Variants in CDH9 observed in about 807,000 individuals in gnomAD.
CDH9 encodes the protein cadherin-9.
A neutral mutation model predicts 70.9 loss-of-function variants in CDH9; 28 were observed. That is an observed-to-expected ratio of 0.40 (90% CI 0.29 to 0.54). The LOEUF (loss-of-function observed/expected upper bound fraction) is 0.54. Among genes scored for constraint, CDH9 ranks in the 20% least tolerant of loss-of-function variants. The pLI is 0.59. For synonymous variants in CDH9, 409 were observed against 343.1 expected (o/e 1.19, Z -2.12); for missense variants, 874 against 984.4 (o/e 0.89, Z 1.50).
At chr5:27,001,269 CA>C (rs1742762590) in intron 1 of CDH9, among the ~76,000 whole-genome samples, 1 of 151,992 alleles carries the variant, frequency 6.6e-6, no homozygotes, top group Non-Finnish European at 1.5e-5. Flanking sequence ...AGTAATTTTC[CA>C]AAGTTGAGTG....
intron 2 of CDH9, among the ~76,000 whole-genome samples, chr5:26,973,336 T>A (rs1224162115): frequency 2.0e-5 from 3 of 152,184 alleles, no homozygotes; most frequent in Admixed American, 2.0e-4. Flanking sequence ...GCCACAATGG[T>A]CTGTTTAGCC....
At chr5:27,011,303 G>A (rs566191137) in intron 1 of CDH9, among the ~76,000 whole-genome samples, 21 of 152,210 alleles carry the variant, frequency 1.4e-4, no homozygotes, top group African/African-American at 1.9e-4. Context: ...AACAGTTGAC[G>A]ATGTAATCAG....
intron 1 of CDH9, among the ~76,000 whole-genome samples, chr5:27,025,648 CT>C (rs1228284371): frequency 4.6e-5 from 7 of 152,064 alleles, no homozygotes; most frequent in African/African-American, 1.4e-4. Context: ...TAGGTTCCTT[CT>C]TTTGGAAACT....
intron 2 of CDH9, among the ~76,000 whole-genome samples, chr5:26,978,833 T>C (rs1251118181): frequency 4.0e-5 from 6 of 151,818 alleles, no homozygotes; most frequent in Admixed American, 3.9e-4. Context: ...CACAATACAA[T>C]GTAACAACAA....
chr5:26,971,321 T>G (rs1160403569), intron 2 of CDH9, among the ~76,000 whole-genome samples: 1 of 152,152 alleles, frequency 6.6e-6, no homozygotes, highest in Non-Finnish European at 1.5e-5. Context: ...GTTTTAGCCT[T>G]GAACACATCA....
At chr5:26,898,292 T>C (rs974852290) in intron 7 of CDH9, among the ~76,000 whole-genome samples, 1 of 152,054 alleles carries the variant, frequency 6.6e-6, no homozygotes, top group African/African-American at 2.4e-5. Flanking sequence ...CAAGCCACCA[T>C]TGACTTTCTT....
chr5:26,954,299 G>A (rs562400950), intron 2 of CDH9, among the ~76,000 whole-genome samples: 1 of 151,010 alleles, frequency 6.6e-6, no homozygotes, highest in Non-Finnish European at 1.5e-5. Flanking sequence ...TGCTTCCCAT[G>A]CTTCCTTCAT....
chr5:26,925,960 T>G (rs1329293854), intron 2 of CDH9, among the ~76,000 whole-genome samples: 1 of 152,080 alleles, frequency 6.6e-6, no homozygotes, highest in Non-Finnish European at 1.5e-5. Context: ...TAAGAGCTAT[T>G]TATGACACAC....
At chr5:26,887,810 A>C (rs905445279) in intron 9 of CDH9, among the ~76,000 whole-genome samples, 7 of 152,146 alleles carry the variant, frequency 4.6e-5, no homozygotes, top group African/African-American at 1.7e-4. Context: ...AATGCCATGA[A>C]ATGATGGAGA....
intron 1 of CDH9, among the ~76,000 whole-genome samples, chr5:26,998,560 TCA>T (rs1355540480): frequency 6.6e-6 from 1 of 151,260 alleles, no homozygotes; most frequent in Non-Finnish European, 1.5e-5. Context: ...AAGGGGAACA[TCA>T]CACACCGGGG....
intron 5 of CDH9, among the ~76,000 whole-genome samples, chr5:26,904,206 T>A (rs1203895522): frequency 3.9e-5 from 6 of 151,908 alleles, no homozygotes; most frequent in Non-Finnish European, 5.9e-5. Flanking sequence ...ATTCAATTAT[T>A]TTTTTTAAAA....
At chr5:26,885,379 T>G (rs549014698) in intron 11 of CDH9, among the ~76,000 whole-genome samples, 1 of 152,350 alleles carries the variant, frequency 6.6e-6, no homozygotes, top group African/African-American at 2.4e-5. Context: ...GTATATATTT[T>G]TAAATACGCA....
In CDH9 at chr5:26,932,894, C is replaced by A. The variant is rs932401895; in HGVS notation, c.229-16970G>T. Among the ~76,000 whole-genome samples, 14 of 150,938 alleles carry A rather than the reference C, an allele frequency of 9.3e-5. 1 individual carries two copies. Among genetic ancestry groups the A allele is most frequent in the Admixed American group, 3.3e-4 (5 of 15,088 alleles). On this transcript the variant is annotated intron_variant, in intron 2 of 11. Coordinates refer to ENST00000231021, the MANE Select transcript of CDH9 (RefSeq NM_016279.4). ...TATAATTGAGCTTTGTCTATGATTC[C>A]ATTTCCTTTCCACTCTAAGCAAATT...
Position 26,903,630 on chromosome 5 carries a change from A to G in CDH9, c.999+7T>C, listed in dbSNP as rs777141081. ...TCAATGAAAAGATGAAGACAGTGAA[A>G]AGAAACCTGTTTGACAGTTATAATC... is the stretch of plus-strand genomic sequence containing the variant. On this transcript the variant is annotated splice_region_variant and intron_variant, in intron 6 of 11. Coordinates refer to ENST00000231021, the MANE Select transcript of CDH9 (RefSeq NM_016279.4). 1.3e-6 allele frequency: 2 copies of G among 1,580,332 alleles called. No homozygotes were observed. Among genetic ancestry groups the G allele is most frequent in the Admixed American group, 1.7e-5 (1 of 59,884 alleles).
intron 2 of CDH9, among the ~76,000 whole-genome samples, chr5:26,978,201 A>T (rs1418664273): frequency 1.3e-5 from 2 of 152,050 alleles, no homozygotes; most frequent in Non-Finnish European, 2.9e-5. Flanking sequence ...GTGAATAGAA[A>T]TAGACTTAAA....
At chr5:26,995,003 C>G (rs914786131) in intron 1 of CDH9, among the ~76,000 whole-genome samples, 1 of 152,154 alleles carries the variant, frequency 6.6e-6, no homozygotes, top group African/African-American at 2.4e-5. Flanking sequence ...CTATTGCTTT[C>G]TGTTATACCA....
rs747657722 is a variant in CDH9 at position 26,906,112 on chromosome 5, C to A, written c.658G>T (p.Ala220Ser). The change falls in exon 5 of 12, where the codon GCA becomes TCA. Residue 220 changes from alanine to serine, a missense_variant. By Grantham distance (99) the Ala-to-Ser change is moderately conservative. Transcript: ENST00000231021. Reference sequence around the variant, plus strand: ...TTTTCTCTGCTCATGTCTGGTAATGCAGTTTTTATTATGCCTTTTGGAAAA... The same window carrying A: ...TTTTCTCTGCTCATGTCTGGTAATGAAGTTTTTATTATGCCTTTTGGAAAA... ...VDPESGIIKT[A>S]LPDMSRENRE... 1.9e-6 allele frequency: 3 copies of A among 1,610,196 alleles called. No individual in the cohort carries two copies. Among genetic ancestry groups the A allele is most frequent in the Non-Finnish European group, 2.5e-6 (3 of 1,178,448 alleles).
intron 1 of CDH9, among the ~76,000 whole-genome samples, chr5:26,996,378 A>G (rs982594963): frequency 3.3e-5 from 5 of 152,032 alleles, no homozygotes; most frequent in Non-Finnish European, 5.9e-5. Context: ...GATGAAACAA[A>G]TGATTTCTCA....
At chr5:26,951,291 CAAAAAA>C (rs796799417) in intron 2 of CDH9, among the ~76,000 whole-genome samples, 4 of 86,196 alleles carry the variant, frequency 4.6e-5, no homozygotes, top group African/African-American at 2.2e-4. Flanking sequence ...GACTCTGTCT[CAAAAAA>C]AAAAAAAAAA....
Sources: gnomAD v4.1 joint callset for allele counts (sites outside exome capture counted in the v4.1 genomes callset) on GRCh38, gnomAD v4.1.1 for gene constraint, MANE v1.5 for transcripts, NCBI Gene and HGNC (gene_info 2026-07-23, HGNC 2026-07-21) for gene names.